The following BRD9 variants were observed in gnomAD, a reference collection of about 807,000 sequenced individuals.
BRD9 encodes bromodomain-containing protein 9.
Under a neutral mutation model 68.7 loss-of-function variants are expected in BRD9, and 47 were observed. That is an observed-to-expected ratio of 0.68 (90% CI 0.54 to 0.87). The LOEUF (loss-of-function observed/expected upper bound fraction) is 0.87, where lower values mean the gene tolerates loss of function less well. BRD9 is among the 40% of genes least tolerant of loss of function. BRD9 has a pLI of 0.00. For missense variants in BRD9, 670 were observed against 748.4 expected (o/e 0.90, Z 1.22); for synonymous variants, 313 against 293.9 (o/e 1.06, Z -0.67).
At chr5:884,334 A>C (rs112792761) in intron 7 of BRD9, among the ~76,000 whole-genome samples, 7 of 152,258 alleles carry the variant, frequency 4.6e-5, no homozygotes, top group Admixed American at 1.3e-4. Context: ...AACTCAGTTA[A>C]AGTGCTTTAG....
intron 8 of BRD9, chr5:882,025 C>T (rs1382593702): frequency 6.6e-6 from 1 of 152,570 alleles, no homozygotes; most frequent in Admixed American, 6.5e-5. Flanking sequence ...CCAACAGAAT[C>T]CCTCTGCACA....
At chr5:875,315 A>C (rs954884486) in intron 12 of BRD9, among the ~76,000 whole-genome samples, 1 of 151,254 alleles carries the variant, frequency 6.6e-6, no homozygotes, top group Non-Finnish European at 1.5e-5. Context: ...GACACGTCAC[A>C]TGTGGGAAAC....
Position 870,502 on chromosome 5 carries a change from G to A in BRD9, c.1496C>T (p.Ser499Phe), listed in dbSNP as rs750068610. The A allele has an allele frequency of 3.7e-6, 6 of 1,614,054 alleles. No individual in the cohort carries two copies. The African/African-American group carries it at 6.7e-5, about 18-fold the overall frequency. The change falls in exon 14 of 16, where the codon TCT becomes TTT. Residue 499 changes from serine (S) to phenylalanine (F), a missense_variant. Coordinates refer to ENST00000467963, the MANE Select transcript of BRD9 (RefSeq NM_023924.5). Reference protein sequence around the residue: ...FMSMKSYPDVSVDISMLSSLG... With the variant: ...FMSMKSYPDVFVDISMLSSLG... ...AGAGCTGAGCATGGAGATATCCACA[G>A]AAACGTCGGGATAGGACTTCATCGA...
At chr5:890,524 T>A (rs1010505078) in intron 3 of BRD9, among the ~76,000 whole-genome samples, 1 of 152,234 alleles carries the variant, frequency 6.6e-6, no homozygotes. Flanking sequence ...CCTTGTCAAC[T>A]GGAAATTCCA....
rs753813330 is a variant in BRD9, at chr5:884,009, C to T, written c.895G>A (p.Val299Met). 1.2e-6 allele frequency: 2 copies of T among 1,613,926 alleles called. No individual in the cohort carries two copies. Among genetic ancestry groups the T allele is most frequent in the Non-Finnish European group, 1.7e-6 (2 of 1,180,032 alleles). The stretch of plus-strand genomic sequence containing the variant: ...GCTGCGTGCTCCACCAGCGCCAGCA[C>T]GTGCTCCTCTGCGGTACTGTCCGTC... ...SLTDSTAEEH[V>M]LALVEHAADE... Residue 299 changes from valine (V) to methionine (M), a missense_variant, in exon 8 of 16, where the codon GTG becomes ATG. Val to Met is a conservative substitution (Grantham distance 21, BLOSUM62 1). Around this residue, in one of 5 missense-constraint regions of BRD9, gnomAD observed 135 missense variants for 141.2 expected, o/e 0.96. Coordinates refer to ENST00000467963, the MANE Select transcript of BRD9 (RefSeq NM_023924.5).
rs1753378138 is a variant in BRD9, at chr5:891,421, G to A, written c.268-134C>T. 5 of 1,380,220 alleles carry A rather than the reference G, an allele frequency of 3.6e-6. No homozygotes were observed. In the Admixed American group the frequency reaches 8.0e-5, roughly 22 times the overall value. The allele number at this position is 1,380,220 out of a possible 1,614,324, so 85.5% of individuals were successfully genotyped here. A position where few individuals can be genotyped will look rare whatever the true frequency, so the allele number is the denominator to read the frequency against. On this transcript the variant is annotated intron_variant, in intron 2 of 15. Transcript: ENST00000467963. The stretch of plus-strand genomic sequence containing the variant: ...CCCTCCGAGATCCTCCTCATGCCAG[G>A]CTCCCTCCTCACAGAGACCCTGGCA...
intron 5 of BRD9, 111 bp downstream of exon 5, chr5:888,910 A>G: frequency 1.8e-6 from 2 of 1,133,748 alleles, no homozygotes; most frequent in Non-Finnish European, 2.5e-6. Context: ...GAACACAGAA[A>G]CACCTGTGAA....
intron 10 of BRD9, 66 bp from the exon 11 acceptor site, chr5:878,553 G>C: frequency 6.2e-7 from 1 of 1,603,212 alleles, no homozygotes; most frequent in South Asian, 1.1e-5. Context: ...GCCCCACCCC[G>C]CTTCTCCAGG....
chr5:878,392 C>T lies in BRD9; in HGVS notation c.1234G>A (p.Ala412Thr), dbSNP rs372409324. Residue 412 changes from alanine to threonine, a missense_variant, in exon 11 of 16, where the codon GCC becomes ACC. Ala to Thr is a moderately conservative substitution (Grantham distance 58). This residue lies in a region of BRD9 where 280 missense variants were observed against 281.5 expected (regional missense o/e 0.99). Transcript: ENST00000467963. ...TGCACGCCTGTCTCATCTCCGTAGG[C>T]TGAGTAGAGCAGCTCCATCTCGTCC... is the stretch of plus-strand genomic sequence containing the variant. Reference protein sequence around the residue: ...KSDEMELLYSAYGDETGVQCA... With the variant: ...KSDEMELLYSTYGDETGVQCA... The T allele has an allele frequency of 7.4e-6, 12 of 1,614,246 alleles. No homozygotes were observed. In the African/African-American group the frequency reaches 1.5e-4, roughly 20 times the overall value.
intron 8 of BRD9, 193 bp from the exon 9 acceptor site, chr5:881,375 G>A (rs576655537): frequency 1.3e-5 from 8 of 615,712 alleles, no homozygotes; most frequent in Middle Eastern, 3.6e-4. Flanking sequence ...AGGTGCCAAG[G>A]AGAACCTCTT....
intron 12 of BRD9, among the ~76,000 whole-genome samples, chr5:874,046 G>C (rs543226333): frequency 6.6e-6 from 1 of 152,238 alleles, no homozygotes; most frequent in Non-Finnish European, 1.5e-5. Flanking sequence ...CTGAAAGAGA[G>C]AAAGAACCCA....
Position 891,752 on chromosome 5 carries a change from T to A in BRD9, c.155A>T (p.Tyr52Phe). 4 of 1,551,734 alleles carry A rather than the reference T, an allele frequency of 2.6e-6. No homozygotes were observed. The highest frequency in any genetic ancestry group is 3.5e-6 in the Non-Finnish European group (4 of 1,147,004). ...LSGSGHDSSY[Y>F]DDRSDHERER... The stretch of plus-strand genomic sequence containing the variant: ...TCGCTCATGGTCTGACCTGTCATCA[T>A]AGTAACTGGAGTCGTGGCCGGATCC... The change falls in exon 2 of 16, where the codon TAT becomes TTT. Residue 52 changes from tyrosine to phenylalanine, a missense_variant. By Grantham distance (22) the Tyr-to-Phe change is conservative (BLOSUM62 3). Around this residue, in one of 5 missense-constraint regions of BRD9, gnomAD observed 161 missense variants for 148.1 expected, o/e 1.09. Transcript: ENST00000467963.
At chr5:867,417 G>C (rs1749526436) in intron 14 of BRD9, among the ~76,000 whole-genome samples, 1 of 152,240 alleles carries the variant, frequency 6.6e-6, no homozygotes, top group African/African-American at 2.4e-5. Flanking sequence ...TGTGAGAAAA[G>C]GGCCACCGTC....
intron 1 of BRD9, 23 bp from the exon 2 acceptor site, chr5:891,877 C>A (rs1040512855): frequency 5.8e-6 from 9 of 1,549,700 alleles, no homozygotes; most frequent in Non-Finnish European, 7.8e-6. Flanking sequence ...AGACCGAGTT[C>A]TACCCGCGTG....
intron 11 of BRD9, among the ~76,000 whole-genome samples, chr5:877,707 C>A (rs975716367): frequency 6.6e-6 from 1 of 152,184 alleles, no homozygotes; most frequent in Non-Finnish European, 1.5e-5. Flanking sequence ...TTGTATCTCC[C>A]GCTCAGAGTT....
At chr5:883,447 T>C in intron 8 of BRD9, 1 of 456,524 alleles carries the variant, frequency 2.2e-6, no homozygotes, top group Middle Eastern at 3.2e-4. Context: ...GTCTAGAACG[T>C]CTCCTGCCAG....
At chr5:878,308 A>G (rs747631392) in intron 11 of BRD9, 47 bp downstream of exon 11, 2 of 1,605,610 alleles carry the variant, frequency 1.2e-6, no homozygotes, top group Non-Finnish European at 1.7e-6. Context: ...ACCAGGGCAC[A>G]GCTCAAGCTG....
chr5:885,384 G>A (rs1374311274), intron 7 of BRD9, among the ~76,000 whole-genome samples: 1 of 152,192 alleles, frequency 6.6e-6, no homozygotes, highest in Non-Finnish European at 1.5e-5. Flanking sequence ...ACGGTTGGAG[G>A]GAGCTGCTCA....
chr5:889,694 C>A, intron 3 of BRD9, 47 bp from the exon 4 acceptor site: 1 of 1,604,932 alleles, frequency 6.2e-7, no homozygotes, highest in South Asian at 1.1e-5. Context: ...TTTGGTATCC[C>A]TTCATTAGAG....
Sources: allele counts gnomAD v4.1 joint callset (sites outside exome capture counted in the v4.1 genomes callset), GRCh38; gene constraint gnomAD v4.1.1; regional missense constraint gnomAD v4.1.1; transcripts MANE v1.5; gene names NCBI Gene and HGNC (gene_info 2026-07-23, HGNC 2026-07-21).